ATP2C1: variants seen among roughly 807,000 people sequenced by gnomAD.
The protein encoded by ATP2C1 is ATPase secretory pathway Ca2+ transporting 1.
A neutral mutation model predicts 120.5 loss-of-function variants in ATP2C1; 31 were observed. That is an observed-to-expected ratio of 0.26 (90% CI 0.19 to 0.35). The LOEUF is 0.35. Ranked by LOEUF, ATP2C1 falls within the 10% of genes least tolerant of loss-of-function variation. ATP2C1 has a pLI of 1.00. For missense variants in ATP2C1, 731 were observed against 1,107.5 expected, an observed-to-expected ratio of 0.66 and a Z score of 4.83; for synonymous variants, 351 against 358.7, an observed-to-expected ratio of 0.98 and a Z score of 0.24.
At chr3:130,910,493 G>A (rs1216558913) in intron 2 of ATP2C1, among the ~76,000 whole-genome samples, 1 of 144,588 alleles carries the variant, frequency 6.9e-6, no homozygotes, top group African/African-American at 2.6e-5. Context: ...TGTTGAATAG[G>A]AGTGGTGAGA....
rs186849157 is a variant in ATP2C1 at position 130,930,557 on chromosome 3, A to T, written c.117+31A>T. On this transcript the variant is annotated intron_variant, in intron 3 of 27. Coordinates refer to ENST00000510168, the MANE Select transcript of ATP2C1 (RefSeq NM_001378687.1). ...TGGTTAGTGGGGAGGAAGGGACTAG[A>T]TGGTGTAAAGTCAGTCACTTAGACT... The T allele has an allele frequency of 9.5e-6, 13 of 1,365,348 alleles. No homozygotes were observed. In the African/African-American group the frequency reaches 1.4e-4, roughly 15 times the overall value. The allele number at this position is 1,365,348 out of a possible 1,614,324, so 84.6% of individuals were successfully genotyped here. A position where few individuals can be genotyped will look rare whatever the true frequency, so the allele number is the denominator to read the frequency against.
intron 1 of ATP2C1, among the ~76,000 whole-genome samples, chr3:130,857,369 A>G (rs1197244509): frequency 6.6e-6 from 1 of 152,142 alleles, no homozygotes; most frequent in African/African-American, 2.4e-5. Context: ...CACCATCCTG[A>G]TATTTAGGCA....
intron 2 of ATP2C1, among the ~76,000 whole-genome samples, chr3:130,921,232 C>T (rs375342377): frequency 6.1e-4 from 63 of 103,402 alleles, no homozygotes; most frequent in African/African-American, 2.0e-3. Flanking sequence ...TAGGTGCCTG[C>T]CACCACACCT....
Position 131,002,214 on chromosome 3 carries a change from T to A in ATP2C1, c.*864T>A. The A allele has an allele frequency of 1.0e-6, 1 of 967,302 alleles. No individual in the cohort carries two copies. Among genetic ancestry groups the A allele is most frequent in the Non-Finnish European group, 1.2e-6 (1 of 813,462 alleles). The allele number at this position is 967,302 out of a possible 1,614,324, so 59.9% of individuals were successfully genotyped here. ...GTAAAGATATATACTTTGTCAAATATCATTTTGTCATCCTCTAAATATAAA... is the reference window on the plus strand; with the variant it reads ...GTAAAGATATATACTTTGTCAAATAACATTTTGTCATCCTCTAAATATAAA... On this transcript the variant is annotated 3_prime_UTR_variant, in exon 28 of 28. Transcript: ENST00000510168.
chr3:130,964,927 T>C, intron 13 of ATP2C1, 21 bp from the exon 14 acceptor site: 1 of 1,570,192 alleles, frequency 6.4e-7, no homozygotes, highest in Non-Finnish European at 8.8e-7. Flanking sequence ...TTTGGTGACT[T>C]GTAATGATTT....
At chr3:130,863,014 G>T (rs769612477) in intron 1 of ATP2C1, among the ~76,000 whole-genome samples, 5 of 152,060 alleles carry the variant, frequency 3.3e-5, no homozygotes, top group Non-Finnish European at 7.4e-5. Context: ...CCTTAAAGAG[G>T]GTTCTGCAAG....
chr3:130,934,722 A>G lies in ATP2C1; in HGVS notation c.324+11A>G, dbSNP rs1013707012. 2 of 1,561,654 alleles carry G rather than the reference A, an allele frequency of 1.3e-6. No individual in the cohort carries two copies. Among genetic ancestry groups the G allele is most frequent in the Admixed American group, 1.7e-5 (1 of 59,872 alleles). ...GTCAGTATCACTGTGGTAAGAAAAA[A>G]ATTACATATTTTTAATCTGTTGAGT... On this transcript the variant is annotated intron_variant, in intron 5 of 27. Transcript: ENST00000510168.
intron 23 of ATP2C1, 64 bp downstream of exon 23, chr3:130,996,175 A>G: frequency 1.7e-6 from 2 of 1,170,314 alleles, no homozygotes; most frequent in Non-Finnish European, 2.6e-6. Context: ...AGTAGAACTT[A>G]AGCAGAATGC....
chr3:130,979,200 T>A, intron 18 of ATP2C1, 49 bp from the exon 19 acceptor site: 1 of 1,591,692 alleles, frequency 6.3e-7, no homozygotes. Context: ...TCTGATGTTT[T>A]CATGACTCAC....
At chr3:130,975,186 C>T in intron 17 of ATP2C1, 146 bp from the exon 18 acceptor site, 1 of 744,772 alleles carries the variant, frequency 1.3e-6, no homozygotes, top group Non-Finnish European at 2.4e-6. Context: ...AATATTTAAT[C>T]TTCAGAGTTC....
chr3:130,994,241 T>C, intron 22 of ATP2C1, 143 bp downstream of exon 22: 1 of 950,702 alleles, frequency 1.1e-6, no homozygotes. Context: ...ATTATCCTAT[T>C]TTATGGTATG....
chr3:130,950,778 G>A (rs1428718344), intron 8 of ATP2C1, among the ~76,000 whole-genome samples: 6 of 151,928 alleles, frequency 3.9e-5, no homozygotes, highest in African/African-American at 1.2e-4. Flanking sequence ...CCAGACAAGG[G>A]CTCTCTTAAG....
rs145792025 is a variant in ATP2C1, at chr3:130,938,379, C to T, written c.360+916C>T. On this transcript the variant is annotated intron_variant, in intron 6 of 27. Coordinates refer to ENST00000510168, the MANE Select transcript of ATP2C1 (RefSeq NM_001378687.1). ...AAAAATGTAATATTGTTGCATAAGCCTGAAGTTCGTGCTGTTTTGAATCTG... is the reference window on the plus strand; with the variant it reads ...AAAAATGTAATATTGTTGCATAAGCTTGAAGTTCGTGCTGTTTTGAATCTG... Among the ~76,000 whole-genome samples, 7 of 152,278 alleles carry T rather than the reference C, an allele frequency of 4.6e-5. No homozygotes were observed. In the East Asian group the frequency reaches 1.4e-3, roughly 29 times the overall value.
At position 130,955,041 on chromosome 3, in the gene ATP2C1, T is replaced by G; in HGVS notation, c.717T>G (p.Ser239=). Residue 239 remains serine (S), a synonymous_variant, in exon 10 of 28, where the codon TCT becomes TCG. Coordinates refer to ENST00000510168, the MANE Select transcript of ATP2C1 (RefSeq NM_001378687.1). ...KGVVIGTGEN[S]EFGEVFKMMQ... ...TTGTCATTGGAACAGGAGAAAATTC[T>G]GAATTTGGGGAGGTTTTTAAAATGA... 1 of 1,612,914 alleles carries G rather than the reference T, an allele frequency of 6.2e-7. No individual in the cohort carries two copies. The highest frequency in any genetic ancestry group is 1.7e-4 in the Middle Eastern group (1 of 6,056).
intron 11 of ATP2C1, among the ~76,000 whole-genome samples, chr3:130,958,901 A>G (rs1197008535): frequency 6.6e-6 from 1 of 152,218 alleles, no homozygotes; most frequent in Non-Finnish European, 1.5e-5. Context: ...GATATTAAAT[A>G]GAAGACCTAT....
intron 1 of ATP2C1, among the ~76,000 whole-genome samples, chr3:130,885,316 C>G (rs1188201829): frequency 1.3e-5 from 2 of 152,122 alleles, no homozygotes; most frequent in African/African-American, 4.8e-5. Context: ...TTTGGTTGGA[C>G]AGTTTAGTCC....
chr3:130,894,331 G>T lies in ATP2C1; in HGVS notation c.-187G>T. 1 of 998,544 alleles carries T rather than the reference G, an allele frequency of 1.0e-6. No homozygotes were observed. The highest frequency in any genetic ancestry group is 1.2e-6 in the Non-Finnish European group (1 of 836,986). 61.9% of individuals were successfully genotyped at this position (998,544 alleles called of 1,614,324 possible). On this transcript the variant is annotated 5_prime_UTR_variant, in exon 1 of 28. Coordinates refer to ENST00000510168, the MANE Select transcript of ATP2C1 (RefSeq NM_001378687.1). The surrounding 1 kb of genome is among the most constrained non-coding windows in gnomAD (Gnocchi z 4.5). ...GCAGCCTGGAGGAGGGCTGTCCGGG[G>T]CTTTGGGTGGGTACCAGTATTACCT...
At chr3:130,914,536 A>G (rs577464623) in intron 2 of ATP2C1, 1 of 152,364 alleles carries the variant, frequency 6.6e-6, no homozygotes, top group South Asian at 2.1e-4. Flanking sequence ...GTTCAATAAT[A>G]TCATTCTGGG....
At chr3:130,861,653 TTTTA>T (rs928221715) in intron 1 of ATP2C1, among the ~76,000 whole-genome samples, 1 of 152,208 alleles carries the variant, frequency 6.6e-6, no homozygotes, top group African/African-American at 2.4e-5. Flanking sequence ...GTTTTTTTAT[TTTTA>T]TTTATTTATT....
Sources: gnomAD v4.1 joint callset for allele counts (sites outside exome capture counted in the v4.1 genomes callset) on GRCh38, gnomAD v4.1.1 for gene constraint, Gnocchi (gnomAD v3.1) non-coding constraint, MANE v1.5 for transcripts, NCBI Gene and HGNC (gene_info 2026-07-23, HGNC 2026-07-21) for gene names.